Variants in DISP1 observed in about 807,000 individuals in gnomAD.
DISP1 encodes dispatched RND transporter family member 1.
DISP1 carries 30 observed loss-of-function variants against 37.3 expected under a neutral mutation model. That is an observed-to-expected ratio of 0.80 (90% CI 0.60 to 1.09). The LOEUF (loss-of-function observed/expected upper bound fraction) is 1.09. Ranked by LOEUF, DISP1 falls within the 50% of genes least tolerant of loss-of-function variation. The pLI is 0.00. For synonymous variants in DISP1, 634 were observed against 690.2 expected (o/e 0.92, Z 1.28); for missense variants, 1,598 against 1,879.5 (o/e 0.85, Z 2.77).
At chr1:222,820,973 A>AT (rs1662726956) in intron 1 of DISP1, among the ~76,000 whole-genome samples, 3 of 151,446 alleles carry the variant, frequency 2.0e-5, no homozygotes, top group Admixed American at 6.6e-5. Flanking sequence ...ATTTTATTTT[A>AT]TTTTTTGTGA....
intron 2 of DISP1, among the ~76,000 whole-genome samples, chr1:222,939,720 C>T (rs982430256): frequency 1.1e-4 from 16 of 151,730 alleles, no homozygotes; most frequent in Admixed American, 7.9e-4. Context: ...ATCCCTGCTA[C>T]TCAGGAGGCT....
rs376978669 is a variant in DISP1 at position 223,003,442 on chromosome 1, G to A, written c.2045G>A (p.Ser682Asn). 5.6e-6 allele frequency: 9 copies of A among 1,614,012 alleles called. No individual in the cohort carries two copies. The South Asian group carries it at 8.8e-5, about 16-fold the overall frequency. Residue 682 changes from serine (S) to asparagine (N), a missense_variant, in exon 9 of 9, where the codon AGC becomes AAC. Ser to Asn is a conservative substitution (Grantham distance 46, BLOSUM62 1). Coordinates refer to ENST00000675850, the MANE Select transcript of DISP1 (RefSeq NM_001377229.1). The surrounding 1 kb of genome is among the most constrained non-coding windows in gnomAD (Gnocchi z 4.3). ...CAGCAGCAAATATATGATAACAAAA[G>A]CTGCTGGACAGTGGCTTGCCAGAAG... ...KPQQQIYDNKSCWTVACQKCH... is the reference protein window; with the variant it reads ...KPQQQIYDNKNCWTVACQKCH...
At chr1:222,931,520 T>C (rs1439314600) in intron 2 of DISP1, among the ~76,000 whole-genome samples, 1 of 151,928 alleles carries the variant, frequency 6.6e-6, no homozygotes, top group Non-Finnish European at 1.5e-5. Context: ...TGAAATCTCA[T>C]GGCCTAAAGA....
intron 3 of DISP1, among the ~76,000 whole-genome samples, chr1:222,982,471 A>G (rs1056519491): frequency 4.6e-5 from 7 of 152,246 alleles, no homozygotes; most frequent in African/African-American, 1.4e-4. Flanking sequence ...TTTCTTTAGC[A>G]AACTTATCCT....
intron 1 of DISP1, among the ~76,000 whole-genome samples, chr1:222,896,245 CTG>C (rs993588847): frequency 1.1e-4 from 16 of 151,778 alleles, no homozygotes; most frequent in African/African-American, 3.6e-4. Context: ...GAAGTCAAGG[CTG>C]CAGTGAGCCA....
At chr1:222,949,349 G>GT (rs1205165442) in intron 3 of DISP1, among the ~76,000 whole-genome samples, 7 of 151,302 alleles carry the variant, frequency 4.6e-5, no homozygotes, top group African/African-American at 7.3e-5. Flanking sequence ...AGCCAGGATC[G>GT]TACCACTGCA....
At chr1:222,960,010 G>A (rs1365300228) in intron 3 of DISP1, among the ~76,000 whole-genome samples, 2 of 152,102 alleles carry the variant, frequency 1.3e-5, no homozygotes, top group African/African-American at 4.8e-5. Flanking sequence ...AAGAGACTTA[G>A]ACTCCCACAC....
chr1:222,936,880 ATATATATAATATATTATT>A (rs1558340343), intron 2 of DISP1, among the ~76,000 whole-genome samples: 8 of 57,756 alleles, frequency 1.4e-4, no homozygotes, highest in African/African-American at 5.1e-4. Context: ...CATATATATG[ATATATATAATATATTATT>A]TATATATAAT....
At chr1:222,816,496 G>A (rs532235211) in intron 1 of DISP1, among the ~76,000 whole-genome samples, 1 of 152,290 alleles carries the variant, frequency 6.6e-6, no homozygotes, top group East Asian at 1.9e-4. Flanking sequence ...TCAAATGTTA[G>A]AAGTTTTTGT....
intron 3 of DISP1, among the ~76,000 whole-genome samples, chr1:222,952,807 A>G (rs1176159508): frequency 6.6e-6 from 1 of 152,194 alleles, no homozygotes; most frequent in East Asian, 1.9e-4. Context: ...AGATCGCGCC[A>G]CTGCACTCCA....
intron 1 of DISP1, among the ~76,000 whole-genome samples, chr1:222,850,313 A>AT (rs140693540): frequency 0.036 from 5,364 of 151,072 alleles, 132 homozygotes; most frequent in Non-Finnish European, 0.054. Context: ...TAACCATTCC[A>AT]TTTTTTTTGT....
intron 1 of DISP1, among the ~76,000 whole-genome samples, chr1:222,843,731 G>A (rs1011434562): frequency 2.0e-5 from 3 of 152,024 alleles, no homozygotes; most frequent in South Asian, 2.1e-4. Flanking sequence ...AATCACAATA[G>A]CAATCAAAAG....
chr1:222,891,182 A>G (rs1203473856), intron 1 of DISP1, among the ~76,000 whole-genome samples: 1 of 152,140 alleles, frequency 6.6e-6, no homozygotes, highest in Non-Finnish European at 1.5e-5. Flanking sequence ...TGGCTCATTT[A>G]AGAAATGAAG....
In DISP1 at chr1:222,973,027, A is replaced by G. The variant is rs550866567; in HGVS notation, c.510-10053A>G. Among the ~76,000 whole-genome samples, 7 of 151,994 alleles carry G rather than the reference A, an allele frequency of 4.6e-5. No homozygotes were observed. The South Asian group carries it at 1.5e-3, about 32-fold the overall frequency. ...GTGAATTAAACAGAATTAACTATAG[A>G]TTGTATTAAATGTATTTTAAGTTTA... On this transcript the variant is annotated intron_variant, in intron 3 of 8. Coordinates refer to ENST00000675850, the MANE Select transcript of DISP1 (RefSeq NM_001377229.1).
At chr1:222,996,398 A>G (rs1254408089) in intron 8 of DISP1, among the ~76,000 whole-genome samples, 5 of 152,214 alleles carry the variant, frequency 3.3e-5, no homozygotes, top group African/African-American at 1.2e-4. Context: ...TGCATTTTAC[A>G]CGGATGATAA....
At chr1:222,965,926 G>A (rs1306839144) in intron 3 of DISP1, among the ~76,000 whole-genome samples, 4 of 152,144 alleles carry the variant, frequency 2.6e-5, no homozygotes, top group African/African-American at 9.7e-5. Flanking sequence ...CTACTTGGGA[G>A]GCTGAGGAGG....
At chr1:222,991,164 G>A (rs112618488) in intron 5 of DISP1, among the ~76,000 whole-genome samples, 4 of 152,282 alleles carry the variant, frequency 2.6e-5, no homozygotes, top group African/African-American at 9.6e-5. Context: ...TATGATCAAG[G>A]ATAATGAAAC....
rs185229770 is a variant in DISP1 at position 222,888,518 on chromosome 1, A to G, written c.-158-39912A>G. On this transcript the variant is annotated intron_variant, in intron 1 of 8. Coordinates refer to ENST00000675850, the MANE Select transcript of DISP1 (RefSeq NM_001377229.1). ...AGTAAATTTTTTTATGGAGCAAAGG[A>G]ATGCCGAGGGTGGGGTAGCATAAAA... is the stretch of plus-strand genomic sequence containing the variant. Among the ~76,000 whole-genome samples, 448 of 152,282 alleles carry G rather than the reference A, an allele frequency of 2.9e-3. 3 individuals carry two copies. Among genetic ancestry groups the G allele is most frequent in the African/African-American group, 0.01 (435 of 41,554 alleles).
At chr1:222,837,033 C>T in intron 1 of DISP1, 1 of 398,498 alleles carries the variant, frequency 2.5e-6, no homozygotes, top group African/African-American at 2.1e-5. Context: ...TTTAAGCTAG[C>T]CCATGACTAC....
Sources: allele counts gnomAD v4.1 joint callset (sites outside exome capture counted in the v4.1 genomes callset), GRCh38; gene constraint gnomAD v4.1.1; non-coding constraint Gnocchi (gnomAD v3.1); transcripts MANE v1.5; gene names NCBI Gene and HGNC (gene_info 2026-07-23, HGNC 2026-07-21).